SLC43A2: variants seen among roughly 807,000 people sequenced by gnomAD.
SLC43A2 encodes large neutral amino acids transporter small subunit 4.
A neutral mutation model predicts 63.2 loss-of-function variants in SLC43A2; 38 were observed. That is an observed-to-expected ratio of 0.60 (90% CI 0.46 to 0.79). The LOEUF is 0.79. Ranked by LOEUF, SLC43A2 falls within the 30% of genes least tolerant of loss-of-function variation. The pLI is 0.00. For missense variants in SLC43A2, 644 were observed against 756.2 expected (o/e 0.85, Z 1.74); for synonymous variants, 322 against 331.0 (o/e 0.97, Z 0.30).
chr17:1,591,046 C>T (rs1904720612), intron 8 of SLC43A2, 98 bp from the exon 9 acceptor site: 16 of 1,393,112 alleles, frequency 1.1e-5, no homozygotes. Flanking sequence ...GGAGGGGGCC[C>T]TCGGGACGGG....
rs1432228289 is a variant in SLC43A2 at position 1,572,817 on chromosome 17, C to A, written c.*2787G>T. 6.6e-6 allele frequency: 1 copy of A among 152,276 alleles called. No individual in the cohort carries two copies. The highest frequency in any genetic ancestry group is 2.4e-5 in the African/African-American group (1 of 41,468). 9.4% of individuals were successfully genotyped at this position (152,276 alleles called of 1,614,324 possible). A position where few individuals can be genotyped will look rare whatever the true frequency, so the allele number is the denominator to read the frequency against. ...TGGGTGGGAGAGTGAGGCAGCACTGCCCACTTTGGCTGGGACTGGGCACTG... is the reference window on the plus strand; with the variant it reads ...TGGGTGGGAGAGTGAGGCAGCACTGACCACTTTGGCTGGGACTGGGCACTG... On this transcript the variant is annotated 3_prime_UTR_variant, in exon 14 of 14. Transcript: ENST00000301335.
Position 1,573,156 on chromosome 17 carries a change from G to A in SLC43A2, c.*2448C>T, listed in dbSNP as rs2075871252. 1 of 134,398 alleles carries A rather than the reference G, an allele frequency of 7.4e-6. No homozygotes were observed. The highest frequency in any genetic ancestry group is 1.5e-5 in the Non-Finnish European group (1 of 65,448). The allele number at this position is 134,398 out of a possible 1,614,324, so 8.3% of individuals were successfully genotyped here. On this transcript the variant is annotated 3_prime_UTR_variant, in exon 14 of 14. Transcript: ENST00000301335. ...TGCACCACTGCACTCCAGCCTGGATGGCAGAGCAAGACCCCAACTCAAAAA... is the reference window on the plus strand; with the variant it reads ...TGCACCACTGCACTCCAGCCTGGATAGCAGAGCAAGACCCCAACTCAAAAA...
intron 11 of SLC43A2, among the ~76,000 whole-genome samples, chr17:1,582,937 G>C (rs2076042198): frequency 6.6e-6 from 1 of 152,088 alleles, no homozygotes; most frequent in Admixed American, 6.5e-5. Context: ...AAATTAGCTG[G>C]GCGTGATGGT....
chr17:1,613,341 A>T (rs1907301592), intron 4 of SLC43A2, 70 bp from the exon 5 acceptor site: 1 of 1,442,152 alleles, frequency 6.9e-7, no homozygotes, highest in Non-Finnish European at 9.7e-7. Context: ...ACCAGCCCAG[A>T]GTCCTGCGCG....
chr17:1,573,099 C>T lies in SLC43A2; in HGVS notation c.*2505G>A, dbSNP rs2075870533. 1 of 146,274 alleles carries T rather than the reference C, an allele frequency of 6.8e-6. No individual in the cohort carries two copies. The highest frequency in any genetic ancestry group is 1.5e-5 in the Non-Finnish European group (1 of 67,490). The allele number at this position is 146,274 out of a possible 1,614,324, so 9.1% of individuals were successfully genotyped here. On this transcript the variant is annotated 3_prime_UTR_variant, in exon 14 of 14. Coordinates refer to ENST00000301335, the MANE Select transcript of SLC43A2 (RefSeq NM_152346.3). The stretch of plus-strand genomic sequence containing the variant: ...GCCGAGGTGGGAGGATCCCTTGAGC[C>T]CATGAGTTGGAGGCCGTGGTGAGCT...
chr17:1,587,949 G>A (rs12940028), intron 9 of SLC43A2, among the ~76,000 whole-genome samples: 62,211 of 152,110 alleles, frequency 0.41, 15,089 homozygotes, highest in Non-Finnish European at 0.56. Context: ...GTTGGCCCTG[G>A]ACTGTTTTCC....
At chr17:1,599,429 G>A (rs1905680520) in intron 5 of SLC43A2, among the ~76,000 whole-genome samples, 3 of 152,178 alleles carry the variant, frequency 2.0e-5, no homozygotes, top group Non-Finnish European at 2.9e-5. Flanking sequence ...GCCAGACGCA[G>A]TGGCTCACAT....
chr17:1,595,322 T>C (rs1905201942), intron 5 of SLC43A2, among the ~76,000 whole-genome samples: 1 of 151,068 alleles, frequency 6.6e-6, no homozygotes, highest in African/African-American at 2.4e-5. Context: ...CTCATTCTGT[T>C]GCCCAGGTGG....
rs1185726356 is a variant in SLC43A2, at chr17:1,579,030, G to C, written c.1351-707C>G. ...GTGGTGGGCACCTGTAATCTCAGCTGCTTGGGAAGTTGAGGCAGGAGAATC... is the reference window on the plus strand; with the variant it reads ...GTGGTGGGCACCTGTAATCTCAGCTCCTTGGGAAGTTGAGGCAGGAGAATC... On this transcript the variant is annotated intron_variant, in intron 11 of 13. Transcript: ENST00000301335. Among the ~76,000 whole-genome samples the C allele has an allele frequency of 1.3e-4, 20 of 151,562 alleles. No homozygotes were observed. In the Admixed American group the frequency reaches 1.3e-3, roughly 10 times the overall value.
Position 1,615,187 on chromosome 17 carries a change from A to C in SLC43A2, c.369-153T>G, listed in dbSNP as rs540298687. Among the ~76,000 whole-genome samples, 13 of 152,140 alleles carry C rather than the reference A, an allele frequency of 8.5e-5. No homozygotes were observed. The East Asian group carries it at 2.5e-3, about 30-fold the overall frequency. ...CAGTGGCGCGATCTCGGCTCACTGC[A>C]ACCTCCGCCTCCCAGGTTCAAGCAT... On this transcript the variant is annotated intron_variant, in intron 3 of 13. Transcript: ENST00000301335.
intron 2 of SLC43A2, among the ~76,000 whole-genome samples, chr17:1,620,591 C>T (rs973321029): frequency 1.3e-5 from 2 of 152,232 alleles, no homozygotes; most frequent in Non-Finnish European, 1.5e-5. Context: ...GCCCTCTGCC[C>T]GGCCGCCTGC....
intron 12 of SLC43A2, 117 bp from the exon 13 acceptor site, chr17:1,576,837 C>T (rs1296578024): frequency 3.0e-5 from 37 of 1,230,948 alleles, no homozygotes; most frequent in Middle Eastern, 2.8e-4. Context: ...TGCCAGCCCT[C>T]GGATTCCTTC....
intron 13 of SLC43A2, 69 bp from the exon 14 acceptor site, chr17:1,575,834 C>G (rs968375591): frequency 6.6e-7 from 1 of 1,507,000 alleles, no homozygotes; most frequent in Non-Finnish European, 8.9e-7. Context: ...CCGCCCTCCA[C>G]TCGGGTTTGG....
At chr17:1,586,903 G>A (rs751441547) in intron 9 of SLC43A2, 143 of 1,528,562 alleles carry the variant, frequency 9.4e-5, no homozygotes, top group Middle Eastern at 5.0e-4. Flanking sequence ...TGGCTGGGAG[G>A]GGACATCACA....
At chr17:1,616,372 C>T (rs922920997) in intron 3 of SLC43A2, 190 bp downstream of exon 3, 17 of 621,556 alleles carry the variant, frequency 2.7e-5, no homozygotes, top group Non-Finnish European at 4.5e-5. Flanking sequence ...TTATTCGGTA[C>T]TGGAGCACGG....
chr17:1,580,187 G>C lies in SLC43A2; in HGVS notation c.1351-1864C>G, dbSNP rs568570884. Among the ~76,000 whole-genome samples the C allele has an allele frequency of 4.8e-3, 735 of 152,314 alleles. 9 individuals carry two copies. The highest frequency in any genetic ancestry group is 0.017 in the African/African-American group (699 of 41,576). Reference sequence around the variant, plus strand: ...CCCGCGTTGGCCTCCCAAAGTGCTGGGATTACAGGCGTGAGCCACCGTGCC... The same window carrying C: ...CCCGCGTTGGCCTCCCAAAGTGCTGCGATTACAGGCGTGAGCCACCGTGCC... On this transcript the variant is annotated intron_variant, in intron 11 of 13. Transcript: ENST00000301335.
At position 1,585,050 on chromosome 17, in the gene SLC43A2, T is replaced by C. The variant is rs1400940698; in HGVS notation, c.1217+863A>G. 2.6e-5 allele frequency among the ~76,000 whole-genome samples: 4 copies of C among 152,056 alleles called. No individual in the cohort carries two copies. The East Asian group carries it at 7.7e-4, about 29-fold the overall frequency. On this transcript the variant is annotated intron_variant, in intron 10 of 13. Coordinates refer to ENST00000301335, the MANE Select transcript of SLC43A2 (RefSeq NM_152346.3). ...GGGCTGCATGATTGAATGCAATGAA[T>C]GAAAGTCACCATCTGAGCCGGGCGC...
At chr17:1,591,734 A>T (rs55748456) in intron 6 of SLC43A2, 35 bp from the exon 7 acceptor site, 194 of 295,090 alleles carry the variant, frequency 6.6e-4, no homozygotes, top group East Asian at 1.3e-3. Context: ...TGGGGGGGGG[A>T]GGGGGCAGAG....
chr17:1,618,244 G>A lies in SLC43A2; in HGVS notation c.161-1475C>T, dbSNP rs549070903. On this transcript the variant is annotated intron_variant, in intron 2 of 13. Coordinates refer to ENST00000301335, the MANE Select transcript of SLC43A2 (RefSeq NM_152346.3). ...ACTGGAATCTGGTTTCTAGCTTCCAGTGTTTGATTCTCCACTTTCTACCTG... is the reference window on the plus strand; with the variant it reads ...ACTGGAATCTGGTTTCTAGCTTCCAATGTTTGATTCTCCACTTTCTACCTG... Among the ~76,000 whole-genome samples the A allele has an allele frequency of 7.3e-4, 111 of 152,372 alleles. 3 individuals carry two copies. In the South Asian group the frequency reaches 0.023, roughly 32 times the overall value.
Sources: gnomAD v4.1 joint callset for allele counts (sites outside exome capture counted in the v4.1 genomes callset) on GRCh38, gnomAD v4.1.1 for gene constraint, MANE v1.5 for transcripts, NCBI Gene and HGNC (gene_info 2026-07-23, HGNC 2026-07-21) for gene names.